MAP3K13: variants seen among roughly 807,000 people sequenced by gnomAD.
MAP3K13 encodes the protein leucine zipper-bearing kinase.
MAP3K13 carries 52 observed loss-of-function variants against 104.0 expected under a neutral mutation model. That is an observed-to-expected ratio of 0.50 (90% CI 0.40 to 0.63). MAP3K13 has a LOEUF of 0.63. Among genes scored for constraint, MAP3K13 ranks in the 20% least tolerant of loss-of-function variants. The probability of loss-of-function intolerance (pLI) is 0.00; values close to 1 mark genes in which losing one functional copy is unlikely to be tolerated. For missense variants in MAP3K13, 914 were observed against 1,218.5 expected, an observed-to-expected ratio of 0.75 and a Z score of 3.72; for synonymous variants, 394 against 442.2, an observed-to-expected ratio of 0.89 and a Z score of 1.37.
chr3:185,423,314 G>A lies in MAP3K13; in HGVS notation c.-85-5183G>A, dbSNP rs1228305559. 6.6e-6 allele frequency among the ~76,000 whole-genome samples: 1 copy of A among 152,152 alleles called. No homozygotes were observed. The highest frequency in any genetic ancestry group is 2.4e-5 in the African/African-American group (1 of 41,422). ...AGAGGTTGGGGACTGCTGCTGTATA[G>A]GATAACCAAGAGTCCTGGCAGCCAA... On this transcript the variant is annotated intron_variant, in intron 1 of 13. Transcript: ENST00000265026. This position sits in a 1 kb window ranked among gnomAD's most constrained non-coding sequence, Gnocchi z 4.1.
Position 185,440,344 on chromosome 3 carries a change from C to T in MAP3K13, c.659+2714C>T, listed in dbSNP as rs1012014905. Among the ~76,000 whole-genome samples the T allele has an allele frequency of 2.6e-5, 4 of 152,068 alleles. No individual in the cohort carries two copies. The South Asian group carries it at 6.2e-4, about 24-fold the overall frequency. On this transcript the variant is annotated intron_variant, in intron 3 of 13. Transcript: ENST00000265026. Reference sequence around the variant, plus strand: ...AAGGTGCGTAAGATCACTGTTAGACCGTTTCTATGTGGAACAAGTTAAAAC... The same window carrying T: ...AAGGTGCGTAAGATCACTGTTAGACTGTTTCTATGTGGAACAAGTTAAAAC...
rs1212073041 is a variant in MAP3K13, at chr3:185,484,092, C to A, written c.*1636C>A. 6.6e-6 allele frequency: 1 copy of A among 152,176 alleles called. No individual in the cohort carries two copies. Among genetic ancestry groups the A allele is most frequent in the African/African-American group, 2.4e-5 (1 of 41,448 alleles). The allele number at this position is 152,176 out of a possible 1,614,324, so 9.4% of individuals were successfully genotyped here. A position where few individuals can be genotyped will look rare whatever the true frequency, so the allele number is the denominator to read the frequency against. On this transcript the variant is annotated 3_prime_UTR_variant, in exon 14 of 14. Transcript: ENST00000265026. ...CAGCTTGCAAAAGGCAACTCCTCTC[C>A]CAGCACAATAGCATTTTTGTTCAAT...
intron 2 of MAP3K13, among the ~76,000 whole-genome samples, chr3:185,335,559 T>C (rs1722469101): frequency 6.6e-6 from 1 of 152,138 alleles, no homozygotes; most frequent in African/African-American, 2.4e-5. Context: ...GTTCCATATA[T>C]ATTGTCCCTC....
rs1349664307 is a variant in MAP3K13 at position 185,450,946 on chromosome 3, C to T, written c.1170-341C>T. Among the ~76,000 whole-genome samples the T allele has an allele frequency of 1.3e-5, 2 of 152,162 alleles. No homozygotes were observed. The highest frequency in any genetic ancestry group is 3.9e-4 in the East Asian group (2 of 5,176). On this transcript the variant is annotated intron_variant, in intron 6 of 13. Transcript: ENST00000265026. The surrounding 1 kb of genome is among the most constrained non-coding windows in gnomAD (Gnocchi z 4.2). ...CTACTAAAAATACAAAAAAATTAGC[C>T]AGGTCTGGTGGCGGGTGCCTGTAGT...
At chr3:185,370,238 A>G (rs552416260) in intron 1 of MAP3K13, among the ~76,000 whole-genome samples, 70 of 152,312 alleles carry the variant, frequency 4.6e-4, no homozygotes, top group African/African-American at 1.6e-3. Flanking sequence ...CTTGTTGCCC[A>G]GGCTGGAGTG....
intron 2 of MAP3K13, among the ~76,000 whole-genome samples, chr3:185,333,467 G>C (rs960118447): frequency 9.9e-5 from 15 of 152,176 alleles, no homozygotes; most frequent in African/African-American, 3.6e-4. Context: ...TGACATGATT[G>C]TATGCATAAA....
intron 2 of MAP3K13, among the ~76,000 whole-genome samples, chr3:185,297,807 G>C (rs1367952065): frequency 3.3e-5 from 5 of 151,916 alleles, no homozygotes; most frequent in Non-Finnish European, 7.4e-5. Context: ...AGGGTAGGAA[G>C]ATTGGGAGTT....
At chr3:185,291,798 C>A in intron 2 of MAP3K13, 1 of 1,358,548 alleles carries the variant, frequency 7.4e-7, no homozygotes. Flanking sequence ...TTAATACATT[C>A]CATTTTATAT....
chr3:185,385,082 G>A (rs888190848), intron 1 of MAP3K13, among the ~76,000 whole-genome samples: 2 of 152,118 alleles, frequency 1.3e-5, no homozygotes, highest in Non-Finnish European at 2.9e-5. Context: ...CAGGTCATAA[G>A]TTGTCAATCC....
intron 7 of MAP3K13, among the ~76,000 whole-genome samples, chr3:185,458,274 A>G (rs1716882304): frequency 6.6e-6 from 1 of 151,584 alleles, no homozygotes; most frequent in Non-Finnish European, 1.5e-5. Flanking sequence ...AGGCTGAGAC[A>G]CAAGAATCGC....
intron 1 of MAP3K13, among the ~76,000 whole-genome samples, chr3:185,401,829 G>A (rs143854994): frequency 5.1e-4 from 78 of 152,288 alleles, no homozygotes; most frequent in Admixed American, 1.3e-3. Context: ...GATTTCTGGT[G>A]AGATTCCTGG....
rs747495280 is a variant in MAP3K13 at position 185,378,173 on chromosome 3, C to T, written c.-86+14805C>T. Among the ~76,000 whole-genome samples the T allele has an allele frequency of 8.5e-5, 13 of 152,228 alleles. No homozygotes were observed. The East Asian group carries it at 1.5e-3, about 18-fold the overall frequency. On this transcript the variant is annotated intron_variant, in intron 1 of 13. Coordinates refer to ENST00000265026, the MANE Select transcript of MAP3K13 (RefSeq NM_004721.5). ...ACTCTATTATTGTACACCTTGAAGG[C>T]GAGGTTAATTAAGTCCTGTTGTGGG...
chr3:185,482,402 G>A lies in MAP3K13; in HGVS notation c.2847G>A (p.Glu949=). The change falls in exon 14 of 14, where the codon GAG becomes GAA. Residue 949 remains glutamate, a synonymous_variant. Coordinates refer to ENST00000265026, the MANE Select transcript of MAP3K13 (RefSeq NM_004721.5). The surrounding 1 kb of genome is among the most constrained non-coding windows in gnomAD (Gnocchi z 4.5). ...CGGACTGTGACTCTTCAGATGGGGA[G>A]TGTTCTGATGCCACAGTTAGGACCA... is the stretch of plus-strand genomic sequence containing the variant. ...EESDCDSSDG[E]CSDATVRTNK... 1 of 1,614,156 alleles carries A rather than the reference G, an allele frequency of 6.2e-7. No homozygotes were observed. The highest frequency in any genetic ancestry group is 1.1e-5 in the South Asian group (1 of 91,088).
chr3:185,448,279 C>T (rs1346444933), intron 5 of MAP3K13, among the ~76,000 whole-genome samples: 2 of 152,196 alleles, frequency 1.3e-5, no homozygotes, highest in Non-Finnish European at 2.9e-5. Flanking sequence ...TTCTCACCTT[C>T]TTGAGTAAAG....
intron 2 of MAP3K13, among the ~76,000 whole-genome samples, chr3:185,352,399 G>A (rs772770485): frequency 3.8e-4 from 57 of 151,996 alleles, no homozygotes; most frequent in Middle Eastern, 6.8e-3. Context: ...AGCCAAGATC[G>A]TGCCATTGCA....
intron 1 of MAP3K13, among the ~76,000 whole-genome samples, chr3:185,414,252 C>T (rs1360821809): frequency 2.0e-5 from 3 of 152,186 alleles, no homozygotes; most frequent in African/African-American, 7.2e-5. Context: ...AGCGGTTTCA[C>T]ATAATCTCAA....
At chr3:185,385,328 TTTG>T (rs562304440) in intron 1 of MAP3K13, among the ~76,000 whole-genome samples, 39 of 152,038 alleles carry the variant, frequency 2.6e-4, no homozygotes, top group South Asian at 8.3e-4. Context: ...TTTTTGTATT[TTTG>T]TTGTTGTTGT....
At position 185,417,747 on chromosome 3, in the gene MAP3K13, G is replaced by A. The variant is rs1166265832; in HGVS notation, c.-85-10750G>A. On this transcript the variant is annotated intron_variant, in intron 1 of 13. Coordinates refer to ENST00000265026, the MANE Select transcript of MAP3K13 (RefSeq NM_004721.5). ...TATCCACCCGGAGCTTGTGATTCCT[G>A]GCCTGGCGAAGAATGGTGTTCCGGC... The A allele has an allele frequency of 1.6e-5, 25 of 1,612,360 alleles. No individual in the cohort carries two copies. The East Asian group carries it at 4.7e-4, about 30-fold the overall frequency.
At chr3:185,380,003 T>C (rs1323370588) in intron 1 of MAP3K13, among the ~76,000 whole-genome samples, 1 of 151,980 alleles carries the variant, frequency 6.6e-6, no homozygotes, top group African/African-American at 2.4e-5. Context: ...CTGGCCAACA[T>C]GGTGAAACCC....
Sources: gnomAD v4.1 joint callset for allele counts (sites outside exome capture counted in the v4.1 genomes callset) on GRCh38, gnomAD v4.1.1 for gene constraint, Gnocchi (gnomAD v3.1) non-coding constraint, MANE v1.5 for transcripts, NCBI Gene and HGNC (gene_info 2026-07-23, HGNC 2026-07-21) for gene names.